TLN2: variants seen among roughly 807,000 people sequenced by gnomAD.
The protein encoded by TLN2 is talin 2.
A neutral mutation model predicts 294.7 loss-of-function variants in TLN2; 118 were observed. The observed-to-expected ratio is 0.40, with a 90% CI of 0.34 to 0.47. The LOEUF (loss-of-function observed/expected upper bound fraction) is 0.47, where lower values mean the gene tolerates loss of function less well. Among genes scored for constraint, TLN2 ranks in the 20% least tolerant of loss-of-function variants. The pLI, the probability that TLN2 is intolerant of heterozygous loss-of-function variation, is 0.84. For missense variants in TLN2, 3,083 were observed against 3,282.2 expected (o/e 0.94, Z 1.48); for synonymous variants, 1,431 against 1,304.5 (o/e 1.10, Z -2.09).
At chr15:62,771,679 A>G (rs1230496087) in intron 42 of TLN2, among the ~76,000 whole-genome samples, 2 of 152,238 alleles carry the variant, frequency 1.3e-5, no homozygotes, top group African/African-American at 4.8e-5. Flanking sequence ...AGAAGAGAGA[A>G]TAGCATATGC....
intron 12 of TLN2, among the ~76,000 whole-genome samples, chr15:62,691,211 T>C (rs956188174): frequency 1.3e-5 from 2 of 152,228 alleles, no homozygotes; most frequent in African/African-American, 2.4e-5. Flanking sequence ...TGTCCTCTCC[T>C]GTTACTCTGA....
At chr15:62,426,369 G>A (rs781115430) in intron 1 of TLN2, among the ~76,000 whole-genome samples, 4 of 152,216 alleles carry the variant, frequency 2.6e-5, no homozygotes, top group Admixed American at 6.5e-5. Flanking sequence ...GAGCAAAGCC[G>A]TTGCTGCCCT....
chr15:62,606,319 G>C (rs994203558), intron 2 of TLN2, among the ~76,000 whole-genome samples: 7 of 148,640 alleles, frequency 4.7e-5, no homozygotes, highest in Non-Finnish European at 8.9e-5. Context: ...TCGAATTCCT[G>C]ACCTCAGGCG....
In TLN2 at chr15:62,766,415, G is replaced by A; in HGVS notation, c.5189G>A (p.Gly1730Glu). The A allele has an allele frequency of 1.9e-6, 3 of 1,609,636 alleles. No individual in the cohort carries two copies. Among genetic ancestry groups the A allele is most frequent in the South Asian group, 1.1e-5 (1 of 90,996 alleles). Residue 1730 changes from glycine (G) to glutamate (E), a missense_variant, in exon 41 of 59, where the codon GGA (glycine) becomes GAA (glutamate). By Grantham distance (98) the Gly-to-Glu change is moderately conservative (BLOSUM62 -2). Transcript: ENST00000636159. ...GCTCGGGGAGAAGCAGCTCAGCTGG[G>A]ACATAAGGTAATGCACACCGAGGGG... ...TAARGEAAQL[G>E]HKVTQLASYF...
chr15:62,458,604 G>GAAATA, intron 1 of TLN2, among the ~76,000 whole-genome samples: 1 of 130,134 alleles, frequency 7.7e-6, no homozygotes, highest in Middle Eastern at 3.9e-3. Flanking sequence ...CGTCTCTACA[G>GAAATA]AAAAAAAAAA....
chr15:62,781,309 G>A (rs901774029), intron 44 of TLN2, 68 bp downstream of exon 44: 8 of 1,207,292 alleles, frequency 6.6e-6, no homozygotes, highest in African/African-American at 6.0e-5. Flanking sequence ...CGCTGAGCCT[G>A]CAAATCCCAG....
chr15:62,729,738 G>GGTAGTGTAAT, intron 28 of TLN2, among the ~76,000 whole-genome samples: 1 of 152,158 alleles, frequency 6.6e-6, no homozygotes, highest in Middle Eastern at 3.4e-3. Context: ...TGTATTTATA[G>GGTAGTGTAAT]GTAGTGTAAT....
At chr15:62,731,894 A>G (rs2060748293) in intron 28 of TLN2, among the ~76,000 whole-genome samples, 1 of 152,242 alleles carries the variant, frequency 6.6e-6, no homozygotes, top group African/African-American at 2.4e-5. Flanking sequence ...TTTGATTTGT[A>G]AAAACTGTAT....
At chr15:62,469,428 C>CA (rs1477119052) in intron 1 of TLN2, among the ~76,000 whole-genome samples, 1 of 152,204 alleles carries the variant, frequency 6.6e-6, no homozygotes, top group African/African-American at 2.4e-5. Flanking sequence ...GCTGCTTACC[C>CA]AAAAGCTGTT....
chr15:62,608,880 A>G (rs752567348), intron 2 of TLN2, among the ~76,000 whole-genome samples: 14 of 151,960 alleles, frequency 9.2e-5, no homozygotes, highest in Non-Finnish European at 1.2e-4. Context: ...AACGAAGGAG[A>G]GCCTGTGGGA....
chr15:62,457,430 G>A (rs1201666981), intron 1 of TLN2, among the ~76,000 whole-genome samples: 1 of 152,210 alleles, frequency 6.6e-6, no homozygotes, highest in African/African-American at 2.4e-5. Flanking sequence ...TAAGAGTTTG[G>A]AGGGACATGA....
At chr15:62,833,173 G>T (rs1421838915) in intron 54 of TLN2, 1 of 187,650 alleles carries the variant, frequency 5.3e-6, no homozygotes, top group Admixed American at 6.0e-5. Flanking sequence ...AGGTAAAAGG[G>T]TAAATTTTGT....
At chr15:62,631,450 C>T (rs2049810519) in intron 3 of TLN2, among the ~76,000 whole-genome samples, 1 of 149,752 alleles carries the variant, frequency 6.7e-6, no homozygotes, top group Non-Finnish European at 1.5e-5. Flanking sequence ...TTCTTCCTTC[C>T]TTTCTCTTTC....
At chr15:62,800,216 G>T in intron 48 of TLN2, 152 bp from the exon 49 acceptor site, 1 of 1,250,798 alleles carries the variant, frequency 8.0e-7, no homozygotes, top group Non-Finnish European at 1.1e-6. Flanking sequence ...AATCACCAAG[G>T]GTGGCTTCCC....
chr15:62,702,890 A>G, intron 19 of TLN2, 26 bp downstream of exon 19: 1 of 1,606,048 alleles, frequency 6.2e-7, no homozygotes, highest in Non-Finnish European at 8.5e-7. Context: ...GCTTATAGTC[A>G]TGGAAAGAAG....
intron 1 of TLN2, among the ~76,000 whole-genome samples, chr15:62,423,175 C>A (rs1458910686): frequency 6.6e-6 from 1 of 152,172 alleles, no homozygotes; most frequent in African/African-American, 2.4e-5. Context: ...AGGTGGATTG[C>A]TTGAGCTCAG....
In TLN2 at chr15:62,722,450, C is replaced by T. The variant is rs775373232; in HGVS notation, c.3089C>T (p.Ala1030Val). The change falls in exon 26 of 59, where the codon GCC becomes GTC. Residue 1030 changes from alanine to valine, a missense_variant. Ala to Val is a moderately conservative substitution (Grantham distance 64). Coordinates refer to ENST00000636159, the MANE Select transcript of TLN2 (RefSeq NM_015059.3). ...MQLSQCAKNL[A>V]TSLAELRTAS... ...CTGAGCCAGTGTGCCAAGAACCTGG[C>T]CACCAGCTTGGCGGAGCTGCGTACC... 15 of 1,612,316 alleles carry T rather than the reference C, an allele frequency of 9.3e-6. No homozygotes were observed. Among genetic ancestry groups the T allele is most frequent in the Non-Finnish European group, 1.3e-5 (15 of 1,179,406 alleles).
At chr15:62,700,243 A>G (rs1434154356) in intron 16 of TLN2, among the ~76,000 whole-genome samples, 1 of 152,352 alleles carries the variant, frequency 6.6e-6, no homozygotes, top group South Asian at 2.1e-4. Flanking sequence ...TTAGAATGCC[A>G]TAAATTATTT....
intron 1 of TLN2, among the ~76,000 whole-genome samples, chr15:62,442,223 T>C (rs1272270788): frequency 6.6e-6 from 1 of 151,890 alleles, no homozygotes; most frequent in Non-Finnish European, 1.5e-5. Context: ...TGGCCTGGTG[T>C]GTTGCCTCAT....
Sources: allele counts gnomAD v4.1 joint callset (sites outside exome capture counted in the v4.1 genomes callset), GRCh38; gene constraint gnomAD v4.1.1; transcripts MANE v1.5; gene names NCBI Gene and HGNC (gene_info 2026-07-23, HGNC 2026-07-21).